Variants in NELL2 observed in about 807,000 individuals in gnomAD.
NELL2 encodes neural EGFL like 2, also known as protein kinase C-binding protein NELL2.
Under a neutral mutation model 109.6 loss-of-function variants are expected in NELL2, and 41 were observed. The observed-to-expected ratio is 0.37, with a 90% CI of 0.29 to 0.49. The LOEUF (loss-of-function observed/expected upper bound fraction) is 0.49. NELL2 is among the 20% of genes least tolerant of loss of function. The pLI, the probability that NELL2 is intolerant of heterozygous loss-of-function variation, is 0.98. For missense variants in NELL2, 900 were observed against 1,008.3 expected (o/e 0.89, Z 1.45); for synonymous variants, 355 against 344.7 (o/e 1.03, Z -0.33).
chr12:44,532,168 T>C (rs111748226), intron 16 of NELL2, among the ~76,000 whole-genome samples: 1,912 of 152,260 alleles, frequency 0.013, 26 homozygotes, highest in Middle Eastern at 0.054. Flanking sequence ...GTAGCATGCA[T>C]TGTGTATGTC....
chr12:44,874,151 C>A (rs1371406912), intron 2 of NELL2, among the ~76,000 whole-genome samples: 1 of 152,098 alleles, frequency 6.6e-6, no homozygotes, highest in Non-Finnish European at 1.5e-5. Context: ...TATTTTATTT[C>A]TATTTCTTGG....
At chr12:44,867,712 T>C (rs1592680995) in intron 2 of NELL2, among the ~76,000 whole-genome samples, 1 of 152,174 alleles carries the variant, frequency 6.6e-6, no homozygotes, top group African/African-American at 2.4e-5. Context: ...GACATCATCT[T>C]ATATCTAGAA....
intron 9 of NELL2, among the ~76,000 whole-genome samples, chr12:44,746,653 C>G (rs1592451627): frequency 6.6e-6 from 1 of 152,154 alleles, no homozygotes; most frequent in East Asian, 1.9e-4. Flanking sequence ...TGAACAGACA[C>G]TTCTCAAAAG....
At chr12:44,640,957 GA>G (rs1159274257) in intron 13 of NELL2, among the ~76,000 whole-genome samples, 1 of 152,090 alleles carries the variant, frequency 6.6e-6, no homozygotes, top group African/African-American at 2.4e-5. Flanking sequence ...TTATAAAGGG[GA>G]AAAAACTGCT....
chr12:44,528,735 T>A (rs1835074504), intron 16 of NELL2, among the ~76,000 whole-genome samples: 1 of 152,228 alleles, frequency 6.6e-6, no homozygotes, highest in Non-Finnish European at 1.5e-5. Flanking sequence ...GGTGACTTTA[T>A]AATTTCTATC....
chr12:44,776,833 C>T lies in NELL2; in HGVS notation c.762+209G>A, dbSNP rs189064564. Among the ~76,000 whole-genome samples, 26 of 152,310 alleles carry T rather than the reference C, an allele frequency of 1.7e-4. No homozygotes were observed. The East Asian group carries it at 4.1e-3, about 24-fold the overall frequency. On this transcript the variant is annotated intron_variant, in intron 7 of 19. Coordinates refer to ENST00000429094, the MANE Select transcript of NELL2 (RefSeq NM_001145108.2). ...AGTGTATAAATTAGGTAATCTGCCT[C>T]ATTCCTGATTTACTGAATTATTTGT...
At chr12:44,585,980 C>G (rs1456239962) in intron 15 of NELL2, among the ~76,000 whole-genome samples, 6 of 150,690 alleles carry the variant, frequency 4.0e-5, no homozygotes, top group Admixed American at 4.0e-4. Flanking sequence ...TGTACCCATG[C>G]AAAATTCACA....
intron 1 of NELL2, among the ~76,000 whole-genome samples, chr12:44,920,129 T>A (rs759817239): frequency 6.6e-6 from 1 of 152,020 alleles, no homozygotes; most frequent in Non-Finnish European, 1.5e-5. Context: ...TGTATGTTAA[T>A]AGAATGAGAA....
intron 15 of NELL2, among the ~76,000 whole-genome samples, chr12:44,595,114 G>C (rs1261391018): frequency 6.6e-6 from 1 of 152,134 alleles, no homozygotes; most frequent in Non-Finnish European, 1.5e-5. Context: ...CTGTTAGATT[G>C]ATGGATTTTC....
chr12:44,743,241 A>G (rs1383582108), intron 9 of NELL2, among the ~76,000 whole-genome samples: 1 of 152,200 alleles, frequency 6.6e-6, no homozygotes, highest in East Asian at 1.9e-4. Context: ...CTTCAAAGAC[A>G]AGCAAATGCT....
intron 9 of NELL2, among the ~76,000 whole-genome samples, chr12:44,762,003 C>G (rs1479347254): frequency 1.3e-5 from 2 of 152,078 alleles, no homozygotes; most frequent in African/African-American, 4.8e-5. Context: ...TGTAACAAAC[C>G]TGTACATGTG....
chr12:44,514,858 A>G (rs1471919904), intron 19 of NELL2, among the ~76,000 whole-genome samples: 1 of 151,320 alleles, frequency 6.6e-6, no homozygotes, highest in Admixed American at 6.6e-5. Flanking sequence ...CACAAAAGCT[A>G]TGGGGATAAA....
At chr12:44,748,405 T>C (rs1407143903) in intron 9 of NELL2, among the ~76,000 whole-genome samples, 1 of 152,196 alleles carries the variant, frequency 6.6e-6, no homozygotes, top group African/African-American at 2.4e-5. Flanking sequence ...CTACTTCTTT[T>C]GCATTTCGTC....
intron 7 of NELL2, 111 bp from the exon 8 acceptor site, chr12:44,776,261 T>C: frequency 1.9e-6 from 2 of 1,035,960 alleles, no homozygotes; most frequent in Non-Finnish European, 1.4e-6. Flanking sequence ...ATGATGGCTG[T>C]GCTTATCAAC....
intron 1 of NELL2, among the ~76,000 whole-genome samples, chr12:44,893,683 C>A (rs1173178116): frequency 2.0e-5 from 3 of 152,078 alleles, no homozygotes; most frequent in African/African-American, 7.2e-5. Context: ...GTTCCTGTGC[C>A]CAGTACCGAA....
intron 2 of NELL2, among the ~76,000 whole-genome samples, chr12:44,827,411 GTTT>G (rs35241789): frequency 7.9e-6 from 1 of 126,640 alleles, no homozygotes; most frequent in Non-Finnish European, 1.6e-5. Context: ...TCTTCTAACT[GTTT>G]TTTTTTTTTT....
chr12:44,635,461 T>C (rs547988527), intron 13 of NELL2, among the ~76,000 whole-genome samples: 3 of 152,284 alleles, frequency 2.0e-5, no homozygotes, highest in East Asian at 3.9e-4. Flanking sequence ...CTCTTTTTTA[T>C]AAGCTGTAAG....
intron 19 of NELL2, among the ~76,000 whole-genome samples, chr12:44,513,952 C>CA (rs150651038): frequency 0.14 from 17,519 of 122,840 alleles, 2,127 homozygotes; most frequent in African/African-American, 0.34. Context: ...AAATAAAGAC[C>CA]AAAAAAAAAA....
At chr12:44,843,843 G>A (rs1944296486) in intron 2 of NELL2, among the ~76,000 whole-genome samples, 3 of 152,066 alleles carry the variant, frequency 2.0e-5, no homozygotes, top group Admixed American at 2.0e-4. Context: ...GCAACGTGGT[G>A]AAACCCTGGC....
Sources: gnomAD v4.1 joint callset for allele counts (sites outside exome capture counted in the v4.1 genomes callset) on GRCh38, gnomAD v4.1.1 for gene constraint, MANE v1.5 for transcripts, NCBI Gene and HGNC (gene_info 2026-07-23, HGNC 2026-07-21) for gene names.